The following RALGPS2 variants were observed in gnomAD, a reference collection of about 807,000 sequenced individuals.
RALGPS2 encodes the protein ras-specific guanine nucleotide-releasing factor RalGPS2.
A neutral mutation model predicts 86.8 loss-of-function variants in RALGPS2; 43 were observed. That is an observed-to-expected ratio of 0.50 (90% CI 0.39 to 0.64). The LOEUF is 0.64. RALGPS2 is among the 30% of genes least tolerant of loss of function. The pLI, the probability that RALGPS2 is intolerant of heterozygous loss-of-function variation, is 0.00. For synonymous variants in RALGPS2, 243 were observed against 231.3 expected, an observed-to-expected ratio of 1.05 and a Z score of -0.46; for missense variants, 536 against 694.6, an observed-to-expected ratio of 0.77 and a Z score of 2.57.
chr1:178,762,588 G>A (rs990332736), intron 1 of RALGPS2, among the ~76,000 whole-genome samples: 2 of 152,058 alleles, frequency 1.3e-5, no homozygotes, highest in African/African-American at 4.8e-5. Flanking sequence ...GTTTTGATTT[G>A]CACTTCTCTA....
At chr1:178,866,577 G>C (rs994063222) in intron 8 of RALGPS2, among the ~76,000 whole-genome samples, 1 of 152,018 alleles carries the variant, frequency 6.6e-6, no homozygotes, top group Non-Finnish European at 1.5e-5. Context: ...CTGTATTTTA[G>C]TAAAATGTTA....
At chr1:178,878,692 A>G (rs1266976627) in intron 9 of RALGPS2, among the ~76,000 whole-genome samples, 4 of 152,284 alleles carry the variant, frequency 2.6e-5, no homozygotes, top group East Asian at 3.9e-4. Context: ...TTAAAAAAAT[A>G]CAACAATCTA....
At chr1:178,911,277 T>A (rs1477446405) in intron 19 of RALGPS2, among the ~76,000 whole-genome samples, 1 of 152,180 alleles carries the variant, frequency 6.6e-6, no homozygotes, top group African/African-American at 2.4e-5. Context: ...ATTTTGGTTA[T>A]TTCTTTTTTT....
chr1:178,864,713 T>C (rs962283973), intron 8 of RALGPS2, among the ~76,000 whole-genome samples: 1 of 152,134 alleles, frequency 6.6e-6, no homozygotes, highest in Admixed American at 6.6e-5. Flanking sequence ...ATCATAAGAA[T>C]TTGGATGGAA....
intron 7 of RALGPS2, among the ~76,000 whole-genome samples, chr1:178,827,567 TG>T (rs1655807568): frequency 6.6e-6 from 1 of 151,814 alleles, no homozygotes; most frequent in African/African-American, 2.4e-5. Flanking sequence ...GCTAATTTTT[TG>T]TATTTTTTAG....
intron 8 of RALGPS2, among the ~76,000 whole-genome samples, chr1:178,839,506 A>G (rs1275913990): frequency 6.6e-6 from 1 of 152,142 alleles, no homozygotes; most frequent in Admixed American, 6.5e-5. Flanking sequence ...AGAGCTCCTG[A>G]AGGAAGCACT....
At chr1:178,864,027 A>G (rs1252117673) in intron 8 of RALGPS2, among the ~76,000 whole-genome samples, 2 of 152,138 alleles carry the variant, frequency 1.3e-5, no homozygotes, top group Admixed American at 1.3e-4. Flanking sequence ...TTTCCCTTCC[A>G]CTCTAAGGAA....
At chr1:178,874,075 A>G (rs1456333605) in intron 8 of RALGPS2, among the ~76,000 whole-genome samples, 1 of 152,174 alleles carries the variant, frequency 6.6e-6, no homozygotes, top group Non-Finnish European at 1.5e-5. Context: ...TATGATTTTT[A>G]AAGCTCAAAA....
intron 1 of RALGPS2, among the ~76,000 whole-genome samples, chr1:178,727,115 G>A (rs1036216592): frequency 6.6e-6 from 1 of 152,214 alleles, no homozygotes; most frequent in Non-Finnish European, 1.5e-5. Flanking sequence ...GGGCATTAAT[G>A]CCATTTGGGA....
chr1:178,851,343 T>C, intron 8 of RALGPS2: 1 of 1,584,446 alleles, frequency 6.3e-7, no homozygotes. Flanking sequence ...CAGATATAAA[T>C]GTAAAAGTTT....
chr1:178,744,796 C>A (rs560258591), intron 1 of RALGPS2, among the ~76,000 whole-genome samples: 2 of 130,790 alleles, frequency 1.5e-5, no homozygotes, highest in Non-Finnish European at 3.1e-5. Flanking sequence ...CCAGCCTGGG[C>A]GACAGAGCGA....
In RALGPS2 at chr1:178,773,770, T is replaced by A. The variant is rs543702441; in HGVS notation, c.-83-2912T>A. Among the ~76,000 whole-genome samples the A allele has an allele frequency of 9.2e-3, 1,389 of 150,286 alleles. 11 individuals carry two copies. Among genetic ancestry groups the A allele is most frequent in the South Asian group, 0.028 (133 of 4,740 alleles). The stretch of plus-strand genomic sequence containing the variant: ...AAGATCCCGCCACTGCACTCCAGCC[T>A]GGGCGACAGAGCAAGACTCCGTCTC... On this transcript the variant is annotated intron_variant, in intron 1 of 19. Coordinates refer to ENST00000367635, the MANE Select transcript of RALGPS2 (RefSeq NM_152663.5).
intron 1 of RALGPS2, 23 bp from the exon 2 acceptor site, chr1:178,776,659 T>C (rs1653100619): frequency 2.5e-6 from 2 of 794,910 alleles, no homozygotes; most frequent in African/African-American, 6.0e-5. Flanking sequence ...AGACATTTGC[T>C]TAACTTTTTT....
intron 1 of RALGPS2, among the ~76,000 whole-genome samples, chr1:178,740,089 T>C (rs1216621992): frequency 6.6e-6 from 1 of 152,238 alleles, no homozygotes; most frequent in Non-Finnish European, 1.5e-5. Context: ...GTATTTCATG[T>C]CTTGTGTGAT....
At chr1:178,819,551 G>A (rs1655398435) in intron 6 of RALGPS2, among the ~76,000 whole-genome samples, 1 of 152,172 alleles carries the variant, frequency 6.6e-6, no homozygotes, top group Non-Finnish European at 1.5e-5. Flanking sequence ...AGCTTGGAAA[G>A]CTAACCAGAT....
intron 1 of RALGPS2, among the ~76,000 whole-genome samples, chr1:178,731,877 T>C (rs899862261): frequency 2.0e-5 from 3 of 152,134 alleles, no homozygotes; most frequent in Non-Finnish European, 4.4e-5. Context: ...TACAATCCAT[T>C]ACTGCTACTC....
Position 178,885,237 on chromosome 1 carries a change from A to G in RALGPS2, c.1040+26A>G, listed in dbSNP as rs759321077. 1.9e-6 allele frequency: 3 copies of G among 1,591,188 alleles called. No homozygotes were observed. The African/African-American group carries it at 4.1e-5, about 22-fold the overall frequency. ...GTCAGCATTTTTAATTTTATCTTTC[A>G]AATTTTTAAGTCTTTTGTAATTGGA... On this transcript the variant is annotated intron_variant, in intron 12 of 19. Coordinates refer to ENST00000367635, the MANE Select transcript of RALGPS2 (RefSeq NM_152663.5).
At chr1:178,728,293 T>A (rs1650141497) in intron 1 of RALGPS2, among the ~76,000 whole-genome samples, 1 of 152,180 alleles carries the variant, frequency 6.6e-6, no homozygotes, top group South Asian at 2.1e-4. Flanking sequence ...TTTTCAGAAA[T>A]TTTTAAATAA....
intron 8 of RALGPS2, chr1:178,853,462 T>G (rs957075549): frequency 2.8e-5 from 23 of 825,158 alleles, no homozygotes; most frequent in Non-Finnish European, 4.0e-5. Context: ...TTTTGACAGA[T>G]GTAGATAATG....
Sources: allele counts gnomAD v4.1 joint callset (sites outside exome capture counted in the v4.1 genomes callset), GRCh38; gene constraint gnomAD v4.1.1; transcripts MANE v1.5; gene names NCBI Gene and HGNC (gene_info 2026-07-23, HGNC 2026-07-21).